RBMS3: variants seen among roughly 807,000 people sequenced by gnomAD.
RBMS3 encodes the protein RNA-binding motif, single-stranded-interacting protein 3.
In RBMS3, 27 loss-of-function variants were observed where a neutral mutation model predicts 66.8. The ratio of observed to expected loss-of-function variants is 0.40; its 90% confidence interval spans 0.30 to 0.56. RBMS3 has a LOEUF of 0.56. Ranked by LOEUF, RBMS3 falls within the 20% of genes least tolerant of loss-of-function variation. The pLI, the probability that RBMS3 is intolerant of heterozygous loss-of-function variation, is 0.40. For synonymous variants in RBMS3, 188 were observed against 183.0 expected (o/e 1.03, Z -0.22); for missense variants, 513 against 549.5 (o/e 0.93, Z 0.66).
chr3:29,648,024 A>G (rs1466242715), intron 4 of RBMS3, among the ~76,000 whole-genome samples: 1 of 152,094 alleles, frequency 6.6e-6, no homozygotes, highest in Non-Finnish European at 1.5e-5. Flanking sequence ...ATAATGAGAC[A>G]TGGAAACCAG....
intron 4 of RBMS3, among the ~76,000 whole-genome samples, chr3:29,702,904 A>G (rs1284785220): frequency 6.6e-6 from 1 of 152,216 alleles, no homozygotes; most frequent in Non-Finnish European, 1.5e-5. Flanking sequence ...AGTCAGTGAG[A>G]CCAAGAACCC....
chr3:29,504,872 G>A lies in RBMS3; in HGVS notation c.307+16373G>A, dbSNP rs116293094. On this transcript the variant is annotated intron_variant, in intron 3 of 14. Transcript: ENST00000383767. Reference sequence around the variant, plus strand: ...GTGAGCATGTTTTCATATACCTGTCGGCTCTTTGTATGTCTTCTTTTGAGA... The same window carrying A: ...GTGAGCATGTTTTCATATACCTGTCAGCTCTTTGTATGTCTTCTTTTGAGA... 5.2e-3 allele frequency among the ~76,000 whole-genome samples: 784 copies of A among 152,016 alleles called. 7 individuals carry two copies. Among genetic ancestry groups the A allele is most frequent in the African/African-American group, 0.018 (752 of 41,470 alleles).
intron 1 of RBMS3, among the ~76,000 whole-genome samples, chr3:29,427,448 C>G (rs2041001775): frequency 6.6e-6 from 1 of 152,226 alleles, no homozygotes; most frequent in Non-Finnish European, 1.5e-5. Context: ...TGTCCACTCT[C>G]TCACGTTGTG....
At chr3:29,963,286 T>C (rs1696605782) in intron 12 of RBMS3, among the ~76,000 whole-genome samples, 1 of 152,140 alleles carries the variant, frequency 6.6e-6, no homozygotes, top group Non-Finnish European at 1.5e-5. Flanking sequence ...ATGCCCAGGT[T>C]ACAGTCCAGG....
At chr3:29,608,063 C>A (rs1296524104) in intron 4 of RBMS3, among the ~76,000 whole-genome samples, 5 of 151,822 alleles carry the variant, frequency 3.3e-5, no homozygotes, top group African/African-American at 1.2e-4. Context: ...AATCTTATTT[C>A]ATCCAACTAT....
intron 1 of RBMS3, among the ~76,000 whole-genome samples, chr3:29,320,293 A>C (rs894194668): frequency 6.6e-6 from 1 of 152,062 alleles, no homozygotes; most frequent in Non-Finnish European, 1.5e-5. Flanking sequence ...GACCTCTGAA[A>C]GGTTCAGGCT....
Position 29,714,779 on chromosome 3 carries a change from T to C in RBMS3, c.400-24941T>C, listed in dbSNP as rs1459893541. On this transcript the variant is annotated intron_variant, in intron 4 of 14. Coordinates refer to ENST00000383767, the MANE Select transcript of RBMS3 (RefSeq NM_001003793.3). Reference sequence around the variant, plus strand: ...ACACACACACACACACACACACACATACTCTCAAACAATAGCTCTGAAAAG... The same window carrying C: ...ACACACACACACACACACACACACACACTCTCAAACAATAGCTCTGAAAAG... 6.1e-5 allele frequency among the ~76,000 whole-genome samples: 9 copies of C among 147,168 alleles called. No individual in the cohort carries two copies. In the East Asian group the frequency reaches 1.4e-3, roughly 23 times the overall value.
intron 10 of RBMS3, among the ~76,000 whole-genome samples, chr3:29,902,915 G>A (rs1463552541): frequency 6.6e-6 from 1 of 151,904 alleles, no homozygotes; most frequent in Non-Finnish European, 1.5e-5. Context: ...CTAAAGTAGA[G>A]CGCAATGACC....
rs1031309164 is a variant in RBMS3 at position 30,004,534 on chromosome 3, C to A, written c.*672C>A. On this transcript the variant is annotated 3_prime_UTR_variant, in exon 15 of 15. Coordinates refer to ENST00000383767, the MANE Select transcript of RBMS3 (RefSeq NM_001003793.3). Reference sequence around the variant, plus strand: ...ATGAGTTTTTAGGGTGAAGAAAAAACTGTACAGTTTAAATGAAAATGTTTT... The same window carrying A: ...ATGAGTTTTTAGGGTGAAGAAAAAAATGTACAGTTTAAATGAAAATGTTTT... 13 of 152,084 alleles carry A rather than the reference C, an allele frequency of 8.5e-5. No homozygotes were observed. Among genetic ancestry groups the A allele is most frequent in the Non-Finnish European group, 1.8e-4 (12 of 67,768 alleles). 9.4% of individuals were successfully genotyped at this position (152,084 alleles called of 1,614,324 possible).
chr3:29,560,394 A>G (rs1452601509), intron 3 of RBMS3, among the ~76,000 whole-genome samples: 3 of 152,202 alleles, frequency 2.0e-5, no homozygotes, highest in East Asian at 3.8e-4. Flanking sequence ...TTTTAAAAGT[A>G]TGGAAATATT....
intron 6 of RBMS3, among the ~76,000 whole-genome samples, chr3:29,838,395 A>T (rs2058581485): frequency 6.6e-6 from 1 of 152,036 alleles, no homozygotes; most frequent in African/African-American, 2.4e-5. Context: ...TATATTCATT[A>T]TTCATTCATA....
Position 29,364,192 on chromosome 3 carries a change from C to T in RBMS3, c.76-70551C>T, listed in dbSNP as rs543761304. 2.0e-4 allele frequency among the ~76,000 whole-genome samples: 30 copies of T among 152,018 alleles called. No individual in the cohort carries two copies. In the East Asian group the frequency reaches 4.3e-3, roughly 22 times the overall value. On this transcript the variant is annotated intron_variant, in intron 1 of 14. Coordinates refer to ENST00000383767, the MANE Select transcript of RBMS3 (RefSeq NM_001003793.3). ...AAAAATTCTCAAATATATCATTAAT[C>T]GAAAACAATTCTGCAAAACAATGCA...
rs138909731 is a variant in RBMS3, at chr3:29,345,776, A to T, written c.75+64020A>T. On this transcript the variant is annotated intron_variant, in intron 1 of 14. Coordinates refer to ENST00000383767, the MANE Select transcript of RBMS3 (RefSeq NM_001003793.3). The stretch of plus-strand genomic sequence containing the variant: ...GGAGGCCATTAAGGAAACAGGTTTG[A>T]TTGAAGTCCCGACACAGATGTTGAC... 1.2e-3 allele frequency among the ~76,000 whole-genome samples: 182 copies of T among 152,290 alleles called. 1 individual carries two copies. Among genetic ancestry groups the T allele is most frequent in the African/African-American group, 4.0e-3 (168 of 41,550 alleles).
intron 1 of RBMS3, among the ~76,000 whole-genome samples, chr3:29,331,815 CTTTTTTTTTTTTTT>C (rs11354452): frequency 1.4e-5 from 1 of 69,710 alleles, no homozygotes. Flanking sequence ...AGGATAGCTC[CTTTTTTTTTTTTTT>C]TTTTTTTTTT....
intron 1 of RBMS3, among the ~76,000 whole-genome samples, chr3:29,428,613 C>T (rs183640874): frequency 2.6e-4 from 40 of 151,852 alleles, no homozygotes; most frequent in Admixed American, 2.0e-3. Context: ...TAACCTTTCT[C>T]CAAACCTACA....
chr3:29,859,842 A>G (rs969096251), intron 6 of RBMS3, among the ~76,000 whole-genome samples: 15 of 152,154 alleles, frequency 9.9e-5, no homozygotes, highest in Non-Finnish European at 2.2e-4. Context: ...TGCCAGCTCT[A>G]TATCTAGAAA....
chr3:29,334,589 A>G (rs1227966657), intron 1 of RBMS3, among the ~76,000 whole-genome samples: 1 of 152,166 alleles, frequency 6.6e-6, no homozygotes, highest in Non-Finnish European at 1.5e-5. Context: ...AAAGTCTGAC[A>G]CACTAAATAT....
Position 29,495,407 on chromosome 3 carries a change from A to G in RBMS3, c.307+6908A>G, listed in dbSNP as rs2043704472. Among the ~76,000 whole-genome samples the G allele has an allele frequency of 2.7e-5, 4 of 147,926 alleles. No individual in the cohort carries two copies. The South Asian group carries it at 6.4e-4, about 24-fold the overall frequency. ...ATATTTATACATGTGAGGGAAATAC[A>G]TATTTCTTTCTTTTTTTTTTTTTTT... is the stretch of plus-strand genomic sequence containing the variant. On this transcript the variant is annotated intron_variant, in intron 3 of 14. Transcript: ENST00000383767.
chr3:29,490,120 G>T, intron 3 of RBMS3, among the ~76,000 whole-genome samples: 1 of 146,612 alleles, frequency 6.8e-6, no homozygotes, highest in African/African-American at 2.6e-5. Flanking sequence ...GTTTTTAAAT[G>T]ATATCCTGGA....
Sources: gnomAD v4.1 joint callset for allele counts (sites outside exome capture counted in the v4.1 genomes callset) on GRCh38, gnomAD v4.1.1 for gene constraint, MANE v1.5 for transcripts, NCBI Gene and HGNC (gene_info 2026-07-23, HGNC 2026-07-21) for gene names.